TESK2: variants seen among roughly 807,000 people sequenced by gnomAD.
The protein encoded by TESK2 is testis associated actin remodelling kinase 2.
Under a neutral mutation model 57.1 loss-of-function variants are expected in TESK2, and 39 were observed. The observed-to-expected ratio is 0.68, with a 90% CI of 0.53 to 0.89. TESK2 has a LOEUF of 0.89. Among genes scored for constraint, TESK2 ranks in the 40% least tolerant of loss-of-function variants. TESK2 has a pLI of 0.00. For missense variants in TESK2, 646 were observed against 732.1 expected, an observed-to-expected ratio of 0.88 and a Z score of 1.36; for synonymous variants, 249 against 267.9, an observed-to-expected ratio of 0.93 and a Z score of 0.69.
chr1:45,402,132 G>C (rs567381366), intron 3 of TESK2, among the ~76,000 whole-genome samples: 15 of 151,194 alleles, frequency 9.9e-5, no homozygotes, highest in Non-Finnish European at 2.1e-4. Context: ...ACTCACACCT[G>C]TAATCCCAGC....
chr1:45,453,524 G>A (rs1411436969), intron 2 of TESK2, among the ~76,000 whole-genome samples: 4 of 151,930 alleles, frequency 2.6e-5, no homozygotes, highest in South Asian at 2.1e-4. Flanking sequence ...TACTTTATAC[G>A]ATATTGAAAA....
intron 1 of TESK2, among the ~76,000 whole-genome samples, chr1:45,464,742 G>T (rs899209926): frequency 6.6e-6 from 1 of 152,196 alleles, no homozygotes; most frequent in African/African-American, 2.4e-5. Flanking sequence ...ACAGAAGACA[G>T]AATTGCTCAT....
chr1:45,387,511 A>G (rs938243441), intron 3 of TESK2, among the ~76,000 whole-genome samples: 1 of 152,058 alleles, frequency 6.6e-6, no homozygotes, highest in Non-Finnish European at 1.5e-5. Context: ...GACTACAAGC[A>G]GAGTGTAAGG....
chr1:45,398,983 G>GAAAAAAAAAAAAAAAAAAAAAAAAAA, intron 3 of TESK2: 1 of 234,526 alleles, frequency 4.3e-6, no homozygotes. Context: ...ACTAGGACCT[G>GAAAAAAAAAAAAAAAAAAAAAAAAAA]AAAAAAAAAA....
At chr1:45,418,682 A>T (rs1395237926) in intron 3 of TESK2, among the ~76,000 whole-genome samples, 1 of 152,112 alleles carries the variant, frequency 6.6e-6, no homozygotes, top group Non-Finnish European at 1.5e-5. Context: ...GCCTTCAATA[A>T]ATGGTCATTA....
At chr1:45,402,499 TGA>T (rs1649670052) in intron 3 of TESK2, among the ~76,000 whole-genome samples, 1 of 150,588 alleles carries the variant, frequency 6.6e-6, no homozygotes. Flanking sequence ...TTTTTTTTTT[TGA>T]GACTGAGTTT....
At chr1:45,347,761 C>T in intron 6 of TESK2, 68 bp from the exon 7 acceptor site, 18 of 1,553,930 alleles carry the variant, frequency 1.2e-5, no homozygotes, top group South Asian at 3.4e-5. Context: ...TTTGACCATT[C>T]CTCCACCTCA....
At chr1:45,388,065 T>C (rs1318106593) in intron 3 of TESK2, among the ~76,000 whole-genome samples, 1 of 152,174 alleles carries the variant, frequency 6.6e-6, no homozygotes, top group East Asian at 1.9e-4. Flanking sequence ...ATGGGTCATT[T>C]TTCTCTAAAT....
intron 4 of TESK2, among the ~76,000 whole-genome samples, chr1:45,379,321 C>T (rs1648558173): frequency 6.6e-6 from 1 of 152,118 alleles, no homozygotes; most frequent in African/African-American, 2.4e-5. Context: ...AACTATCATG[C>T]CTGGCTAATT....
chr1:45,455,457 G>A (rs552429164), intron 2 of TESK2, among the ~76,000 whole-genome samples: 60 of 152,208 alleles, frequency 3.9e-4, no homozygotes, highest in Non-Finnish European at 6.3e-4. Context: ...CATCTCTTAC[G>A]GGAGATGAAT....
intron 3 of TESK2, chr1:45,415,029 AC>A: frequency 9.2e-7 from 1 of 1,082,004 alleles, no homozygotes; most frequent in Non-Finnish European, 1.4e-6. Flanking sequence ...GCCATGGTCA[AC>A]CCCACCATGT....
intron 3 of TESK2, chr1:45,415,244 T>A: frequency 1.4e-6 from 2 of 1,451,342 alleles, no homozygotes; most frequent in Admixed American, 1.7e-5. Flanking sequence ...TTTGGCAAGG[T>A]GAAAGAAGGC....
At position 45,394,142 on chromosome 1, in the gene TESK2, G is replaced by C. The variant is rs531820836; in HGVS notation, c.345-8182C>G. 5.9e-5 allele frequency among the ~76,000 whole-genome samples: 9 copies of C among 151,918 alleles called. No individual in the cohort carries two copies. The East Asian group carries it at 1.7e-3, about 29-fold the overall frequency. On this transcript the variant is annotated intron_variant, in intron 3 of 10. Coordinates refer to ENST00000372086, the MANE Select transcript of TESK2 (RefSeq NM_007170.3). ...ACATACAGATTCATGTTGAGAAGGA[G>C]GGTTGCTTTTTTTTTTGAGACAAGG...
chr1:45,457,505 A>G, intron 2 of TESK2, 59 bp downstream of exon 2: 1 of 1,488,580 alleles, frequency 6.7e-7, no homozygotes, highest in East Asian at 2.3e-5. Context: ...CACAACTATC[A>G]ACCTGCAGTA....
intron 5 of TESK2, among the ~76,000 whole-genome samples, chr1:45,354,815 A>AATATATAT (rs199613712): frequency 3.4e-4 from 14 of 40,690 alleles, no homozygotes; most frequent in South Asian, 1.3e-3. Flanking sequence ...AAAAAAAAAA[A>AATATATAT]ATATATATAT....
At chr1:45,444,156 G>A (rs1352805367) in intron 2 of TESK2, among the ~76,000 whole-genome samples, 1 of 147,258 alleles carries the variant, frequency 6.8e-6, no homozygotes, top group African/African-American at 2.5e-5. Context: ...TCCAGCCTGT[G>A]TGACAAAATG....
intron 2 of TESK2, among the ~76,000 whole-genome samples, chr1:45,453,803 A>C (rs1651967847): frequency 6.6e-6 from 1 of 152,186 alleles, no homozygotes; most frequent in African/African-American, 2.4e-5. Context: ...TAAGGGATAA[A>C]TATTCCCTAT....
At chr1:45,346,923 TC>T in intron 8 of TESK2, 55 bp downstream of exon 8, 1 of 1,591,524 alleles carries the variant, frequency 6.3e-7, no homozygotes, top group South Asian at 1.1e-5. Context: ...ACAGAACAGT[TC>T]CATTGCTTCA....
At chr1:45,413,697 TC>T in intron 3 of TESK2, 1 of 296,988 alleles carries the variant, frequency 3.4e-6, no homozygotes, top group Non-Finnish European at 6.8e-6. Context: ...GTGCAACTGT[TC>T]TGACTAGATG....
Sources: gnomAD v4.1 joint callset for allele counts (sites outside exome capture counted in the v4.1 genomes callset) on GRCh38, gnomAD v4.1.1 for gene constraint, MANE v1.5 for transcripts, NCBI Gene and HGNC (gene_info 2026-07-23, HGNC 2026-07-21) for gene names.